Variants in CALN1 observed in about 807,000 individuals in gnomAD.
The protein encoded by CALN1 is calcium-binding protein 8.
A neutral mutation model predicts 30.6 loss-of-function variants in CALN1; 17 were observed. The ratio of observed to expected loss-of-function variants is 0.56; its 90% CI spans 0.38 to 0.83. CALN1 has a LOEUF of 0.83. CALN1 is among the 40% of genes least tolerant of loss of function. The pLI is 0.00. For synonymous variants in CALN1, 156 were observed against 131.4 expected (o/e 1.19, Z -1.28); for missense variants, 291 against 354.9 (o/e 0.82, Z 1.45).
chr7:72,471,307 G>A, the CALN1 span, among the ~76,000 whole-genome samples: 2 of 152,208 alleles, frequency 1.3e-5, no homozygotes, highest in African/African-American at 4.8e-5. Context: ...GGTTGAGACA[G>A]GTGTATTTCA....
chr7:71,956,784 C>T (rs558680171), intron 5 of CALN1, among the ~76,000 whole-genome samples: 6 of 152,238 alleles, frequency 3.9e-5, no homozygotes, highest in African/African-American at 1.2e-4. Flanking sequence ...GCAATCTCTG[C>T]CTCCCAGGTT....
chr7:72,491,595 A>G, the CALN1 span, among the ~76,000 whole-genome samples: 5 of 152,208 alleles, frequency 3.3e-5, no homozygotes, highest in African/African-American at 1.2e-4. Flanking sequence ...GGTGTTCTGC[A>G]GCCTGACAAG....
intron 5 of CALN1, among the ~76,000 whole-genome samples, chr7:71,821,537 G>A (rs1433136389): frequency 2.0e-5 from 3 of 152,002 alleles, no homozygotes; most frequent in Non-Finnish European, 4.4e-5. Flanking sequence ...CCACCAGAAC[G>A]GTATGGGGGA....
intron 3 of CALN1, among the ~76,000 whole-genome samples, chr7:72,151,195 T>C (rs762666805): frequency 3.9e-5 from 6 of 152,168 alleles, no homozygotes; most frequent in Non-Finnish European, 7.3e-5. Context: ...CAAGGTTATA[T>C]GTAGGGTTGG....
At chr7:72,484,854 T>G in the CALN1 span, among the ~76,000 whole-genome samples, 1 of 152,220 alleles carries the variant, frequency 6.6e-6, no homozygotes, top group Non-Finnish European at 1.5e-5. Context: ...GGGCCCTTCT[T>G]CTCTGATATC....
intron 5 of CALN1, among the ~76,000 whole-genome samples, chr7:71,990,946 C>T (rs939098244): frequency 1.3e-5 from 2 of 151,540 alleles, no homozygotes; most frequent in African/African-American, 2.4e-5. Flanking sequence ...GGAGTACTAA[C>T]GCAGAGGACC....
intron 3 of CALN1, among the ~76,000 whole-genome samples, chr7:72,142,572 C>T (rs1179672016): frequency 6.6e-6 from 1 of 152,212 alleles, no homozygotes; most frequent in African/African-American, 2.4e-5. Flanking sequence ...GAACAAAACG[C>T]AGCAGAAACT....
chr7:72,199,077 T>A (rs1211430509), intron 3 of CALN1, among the ~76,000 whole-genome samples: 1 of 152,030 alleles, frequency 6.6e-6, no homozygotes, highest in Non-Finnish European at 1.5e-5. Context: ...CAGTTCGAGA[T>A]CAGCTTGGCC....
intron 3 of CALN1, among the ~76,000 whole-genome samples, chr7:72,118,876 C>A (rs991236302): frequency 3.9e-5 from 6 of 152,134 alleles, no homozygotes; most frequent in African/African-American, 1.2e-4. Context: ...TCATCAACAG[C>A]TGCAAGTCCA....
chr7:72,105,433 T>C (rs1311807555), intron 4 of CALN1, among the ~76,000 whole-genome samples: 1 of 152,078 alleles, frequency 6.6e-6, no homozygotes, highest in Non-Finnish European at 1.5e-5. Context: ...GAGCTTAGGA[T>C]TCTTGTTTGA....
At chr7:72,228,077 G>A (rs1045195571) in intron 3 of CALN1, among the ~76,000 whole-genome samples, 5 of 152,028 alleles carry the variant, frequency 3.3e-5, no homozygotes, top group Admixed American at 3.3e-4. Flanking sequence ...AAGTGCTGCT[G>A]TCTGTGCCTA....
intron 3 of CALN1, among the ~76,000 whole-genome samples, chr7:72,111,993 C>T (rs1012340590): frequency 2.6e-5 from 4 of 152,032 alleles, no homozygotes; most frequent in African/African-American, 9.7e-5. Flanking sequence ...TCAGGTGATC[C>T]ACCCCCCTCT....
chr7:72,145,271 A>G (rs571154704), intron 3 of CALN1, among the ~76,000 whole-genome samples: 7 of 152,306 alleles, frequency 4.6e-5, no homozygotes, highest in South Asian at 4.1e-4. Flanking sequence ...AGACACAATA[A>G]AAAAAGATAA....
chr7:72,411,882 C>T (rs1231416324), intron 1 of CALN1, among the ~76,000 whole-genome samples, 176 bp downstream of exon 1: 1 of 152,114 alleles, frequency 6.6e-6, no homozygotes, highest in Non-Finnish European at 1.5e-5. Context: ...GTTGATGAAG[C>T]AACTCTCTTT....
chr7:71,955,990 ATT>A (rs10541876), intron 5 of CALN1, among the ~76,000 whole-genome samples: 74,423 of 145,534 alleles, frequency 0.51, 19,038 homozygotes, highest in South Asian at 0.57. Flanking sequence ...TATGTTCTGG[ATT>A]TTTTTTTTTT....
chr7:71,917,488 T>C (rs1287365961), intron 5 of CALN1, among the ~76,000 whole-genome samples: 1 of 152,212 alleles, frequency 6.6e-6, no homozygotes, highest in Non-Finnish European at 1.5e-5. Flanking sequence ...TTGATTGCTG[T>C]ATTAGTCCAT....
chr7:72,457,985 G>C, the CALN1 span, among the ~76,000 whole-genome samples: 20 of 150,140 alleles, frequency 1.3e-4, no homozygotes, highest in Admixed American at 9.5e-4. Flanking sequence ...CAAATTCCTG[G>C]GCTCAAGCCA....
intron 3 of CALN1, among the ~76,000 whole-genome samples, chr7:72,237,547 G>A (rs1436319894): frequency 6.6e-6 from 1 of 152,196 alleles, no homozygotes; most frequent in Admixed American, 6.6e-5. Context: ...CGAGGGCCAG[G>A]AGACAGAAGC....
At chr7:72,234,621 A>AT (rs1396609090) in intron 3 of CALN1, among the ~76,000 whole-genome samples, 4 of 151,840 alleles carry the variant, frequency 2.6e-5, no homozygotes, top group Non-Finnish European at 5.9e-5. Flanking sequence ...TAATTTTTGT[A>AT]TTTTAGTAGA....
Sources: gnomAD v4.1 joint callset for allele counts (sites outside exome capture counted in the v4.1 genomes callset) on GRCh38, gnomAD v4.1.1 for gene constraint, MANE v1.5 for transcripts, NCBI Gene and HGNC (gene_info 2026-07-23, HGNC 2026-07-21) for gene names.